CDH4: variants seen among roughly 807,000 people sequenced by gnomAD.
CDH4 encodes cadherin-4.
In CDH4, 33 loss-of-function variants were observed where a neutral mutation model predicts 86.0. The observed-to-expected ratio is 0.38, with a 90% CI of 0.29 to 0.51. CDH4 has a LOEUF of 0.51. Ranked by LOEUF, CDH4 falls within the 20% of genes least tolerant of loss-of-function variation. The pLI, the probability that CDH4 is intolerant of heterozygous loss-of-function variation, is 0.86. For synonymous variants in CDH4, 555 were observed against 549.4 expected, an observed-to-expected ratio of 1.01 and a Z score of -0.14; for missense variants, 1,114 against 1,307.4, an observed-to-expected ratio of 0.85 and a Z score of 2.28.
intron 2 of CDH4, among the ~76,000 whole-genome samples, chr20:61,699,328 C>T (rs1215035711): frequency 2.6e-5 from 4 of 152,162 alleles, no homozygotes; most frequent in Admixed American, 1.3e-4. Context: ...ACACCTCGAA[C>T]GCCCCCAGTC....
At chr20:61,551,434 G>A (rs531957684) in intron 2 of CDH4, among the ~76,000 whole-genome samples, 10 of 152,144 alleles carry the variant, frequency 6.6e-5, no homozygotes, top group Non-Finnish European at 1.0e-4. Flanking sequence ...TAATCAGCAC[G>A]CAGATAAAGG....
chr20:61,906,302 A>G (rs1265421789), intron 8 of CDH4, among the ~76,000 whole-genome samples: 1 of 152,238 alleles, frequency 6.6e-6, no homozygotes, highest in Non-Finnish European at 1.5e-5. Context: ...ATGTAAATGA[A>G]TGGGGTGTGG....
chr20:61,481,933 C>T lies in CDH4; in HGVS notation c.169+226996C>T, dbSNP rs191194571. 3.5e-3 allele frequency among the ~76,000 whole-genome samples: 539 copies of T among 152,330 alleles called. 2 individuals carry two copies. The highest frequency in any genetic ancestry group is 0.013 in the African/African-American group (526 of 41,570). On this transcript the variant is annotated intron_variant, in intron 2 of 15. Coordinates refer to ENST00000614565, the MANE Select transcript of CDH4 (RefSeq NM_001794.5). ...CATACATATCGATGACTTTTCCATA[C>T]ATATCGATGACTTTGTATGTCTCAT...
In CDH4 at chr20:61,874,960, G is replaced by A. The variant is rs569299729; in HGVS notation, c.1050+1060G>A. Among the ~76,000 whole-genome samples, 26 of 152,322 alleles carry A rather than the reference G, an allele frequency of 1.7e-4. No homozygotes were observed. The East Asian group carries it at 2.9e-3, about 17-fold the overall frequency. On this transcript the variant is annotated intron_variant, in intron 7 of 15. Transcript: ENST00000614565. ...TCAACCCTTCTGCTCCAAGTTGGCG[G>A]CTTCTGAGTGCGTCACGGCCCTCGA...
chr20:61,264,154 G>T (rs920835203), intron 2 of CDH4, among the ~76,000 whole-genome samples: 6 of 152,292 alleles, frequency 3.9e-5, no homozygotes, highest in Admixed American at 2.6e-4. Context: ...CGTGTCTGAC[G>T]ACAGAGCAAT....
chr20:61,284,183 T>C (rs1600833684), intron 2 of CDH4, among the ~76,000 whole-genome samples: 1 of 148,828 alleles, frequency 6.7e-6, no homozygotes, highest in South Asian at 2.1e-4. Context: ...GGCATAGTGG[T>C]GGGTGCCTGT....
chr20:61,264,428 C>T (rs1248683124), intron 2 of CDH4, among the ~76,000 whole-genome samples: 1 of 150,118 alleles, frequency 6.7e-6, no homozygotes, highest in Non-Finnish European at 1.5e-5. Context: ...CCTACACATA[C>T]CCCAGTGGCT....
intron 2 of CDH4, among the ~76,000 whole-genome samples, chr20:61,729,288 C>T (rs1022631091): frequency 3.9e-5 from 6 of 152,216 alleles, no homozygotes; most frequent in African/African-American, 1.4e-4. Flanking sequence ...GTGCTTCGTT[C>T]CAGTGGGCAC....
At chr20:61,869,566 G>T (rs1354724823) in intron 6 of CDH4, among the ~76,000 whole-genome samples, 1 of 152,216 alleles carries the variant, frequency 6.6e-6, no homozygotes, top group African/African-American at 2.4e-5. Flanking sequence ...AAAAAAGGAG[G>T]TGGCCCAGTC....
At chr20:61,500,616 C>G (rs780606889) in intron 2 of CDH4, among the ~76,000 whole-genome samples, 14 of 152,278 alleles carry the variant, frequency 9.2e-5, no homozygotes, top group African/African-American at 3.1e-4. Context: ...TCTCAAGACA[C>G]AGAGAGGAAA....
intron 2 of CDH4, among the ~76,000 whole-genome samples, chr20:61,638,683 C>T (rs1402053434): frequency 1.3e-5 from 2 of 152,190 alleles, no homozygotes; most frequent in Non-Finnish European, 2.9e-5. Context: ...TTCCTCTCTG[C>T]CCACATTGTG....
chr20:61,900,390 G>A (rs968609627), intron 8 of CDH4, among the ~76,000 whole-genome samples: 2 of 152,220 alleles, frequency 1.3e-5, no homozygotes, highest in Admixed American at 6.5e-5. Flanking sequence ...CAACTTTTCC[G>A]AGCACAGAGG....
At chr20:61,351,943 C>T (rs2084715373) in intron 2 of CDH4, among the ~76,000 whole-genome samples, 1 of 152,160 alleles carries the variant, frequency 6.6e-6, no homozygotes. Flanking sequence ...TCTCGAACTC[C>T]TGGCCTCAGG....
chr20:61,935,873 A>T (rs558699330), intron 15 of CDH4, among the ~76,000 whole-genome samples: 1 of 152,202 alleles, frequency 6.6e-6, no homozygotes, highest in Non-Finnish European at 1.5e-5. Flanking sequence ...AAGACAGAGC[A>T]AAACTCCATT....
At chr20:61,850,385 C>G (rs750479686) in intron 5 of CDH4, among the ~76,000 whole-genome samples, 1 of 152,220 alleles carries the variant, frequency 6.6e-6, no homozygotes, top group African/African-American at 2.4e-5. Flanking sequence ...GTCTCCAACA[C>G]CTTTACCCCT....
intron 4 of CDH4, among the ~76,000 whole-genome samples, chr20:61,830,323 A>G (rs1380606730): frequency 6.6e-6 from 1 of 152,082 alleles, no homozygotes; most frequent in Non-Finnish European, 1.5e-5. Flanking sequence ...GTCCATCCAC[A>G]TCCTCTGCCT....
intron 2 of CDH4, among the ~76,000 whole-genome samples, chr20:61,716,276 C>CCCTTGGCTGGACCTGTA: frequency 6.6e-6 from 1 of 152,310 alleles, no homozygotes; most frequent in Non-Finnish European, 1.5e-5. Flanking sequence ...TGTGAGCCTC[C>CCCTTGGCTGGACCTGTA]CCTTGGCTGG....
At chr20:61,758,044 C>T (rs373634682) in intron 3 of CDH4, among the ~76,000 whole-genome samples, 3 of 152,194 alleles carry the variant, frequency 2.0e-5, no homozygotes, top group Non-Finnish European at 4.4e-5. Context: ...CCGCCCTCAC[C>T]GAGCTTACCT....
chr20:61,366,125 G>A (rs2084809902), intron 2 of CDH4, among the ~76,000 whole-genome samples: 1 of 152,212 alleles, frequency 6.6e-6, no homozygotes, highest in Non-Finnish European at 1.5e-5. Flanking sequence ...GTGGGAAGAG[G>A]TTGTCTCCAC....
Sources: allele counts gnomAD v4.1 joint callset (sites outside exome capture counted in the v4.1 genomes callset), GRCh38; gene constraint gnomAD v4.1.1; transcripts MANE v1.5; gene names NCBI Gene and HGNC (gene_info 2026-07-23, HGNC 2026-07-21).